PKIB: variants seen among roughly 807,000 people sequenced by gnomAD.
PKIB encodes the protein PKI-beta.
Under a neutral mutation model 4.5 loss-of-function variants are expected in PKIB, and 2 were observed. The ratio of observed to expected loss-of-function variants is 0.44; its 90% CI spans 0.18 to 1.39. The LOEUF (loss-of-function observed/expected upper bound fraction) is 1.39. Among genes scored for constraint, PKIB ranks in the 40% most tolerant of loss-of-function variants. The probability of loss-of-function intolerance (pLI) is 0.27; values close to 1 mark genes in which losing one functional copy is unlikely to be tolerated. For missense variants in PKIB, 94 were observed against 92.6 expected (o/e 1.02, Z -0.06); for synonymous variants, 38 against 36.0 (o/e 1.06, Z -0.20).
intron 4 of PKIB, among the ~76,000 whole-genome samples, chr6:122,724,251 A>G (rs1055818178): frequency 1.3e-5 from 2 of 152,134 alleles, no homozygotes; most frequent in Non-Finnish European, 2.9e-5. Context: ...AGGGAAAGTC[A>G]GGTAAAATGA....
At chr6:122,492,320 A>C (rs999909534) in intron 2 of PKIB, among the ~76,000 whole-genome samples, 2 of 152,148 alleles carry the variant, frequency 1.3e-5, no homozygotes, top group Non-Finnish European at 2.9e-5. Context: ...GCAGAGGAAA[A>C]GCAAGTAGAA....
At chr6:122,553,367 G>T (rs1772738360) in intron 2 of PKIB, among the ~76,000 whole-genome samples, 1 of 151,840 alleles carries the variant, frequency 6.6e-6, no homozygotes. Flanking sequence ...AGTTTTCAGG[G>T]TCCACAAAGC....
chr6:122,623,980 T>C (rs1775338209), intron 1 of PKIB, among the ~76,000 whole-genome samples: 1 of 152,154 alleles, frequency 6.6e-6, no homozygotes, highest in Non-Finnish European at 1.5e-5. Context: ...ATTCAGTATG[T>C]CATTTAAACC....
At chr6:122,669,324 T>C (rs2815598) in intron 2 of PKIB, among the ~76,000 whole-genome samples, 150,215 of 152,272 alleles carry the variant, frequency 0.99, 74,117 homozygotes, top group Middle Eastern at 1. Flanking sequence ...TTCAGTTTTT[T>C]TTGGGAGCTT....
chr6:122,546,309 C>G (rs1772491794), intron 2 of PKIB, among the ~76,000 whole-genome samples: 1 of 151,742 alleles, frequency 6.6e-6, no homozygotes, highest in Admixed American at 6.6e-5. Flanking sequence ...AAACCTATAC[C>G]TGGAGCCGTG....
At chr6:122,510,063 T>C (rs1044078507) in intron 2 of PKIB, among the ~76,000 whole-genome samples, 4 of 152,160 alleles carry the variant, frequency 2.6e-5, no homozygotes, top group African/African-American at 7.2e-5. Flanking sequence ...TAATATCTTC[T>C]AACAATTTTT....
At chr6:122,605,965 T>C (rs565255851), upstream of PKIB, among the ~76,000 whole-genome samples, 1 of 152,356 alleles carries the variant, frequency 6.6e-6, no homozygotes, top group East Asian at 1.9e-4. Context: ...CTGGCCTCCA[T>C]AGACTTGGCT....
intron 2 of PKIB, among the ~76,000 whole-genome samples, chr6:122,520,721 C>T (rs553051341): frequency 1.0e-3 from 135 of 131,180 alleles, no homozygotes; most frequent in African/African-American, 3.2e-3. Context: ...GGTTTCAGAC[C>T]GTGAATTTTA....
intron 3 of PKIB, among the ~76,000 whole-genome samples, chr6:122,587,387 T>C (rs911608690): frequency 1.3e-5 from 2 of 152,228 alleles, no homozygotes; most frequent in Admixed American, 6.5e-5. Flanking sequence ...TAGTATTCCA[T>C]GGTGTATATG....
intron 2 of PKIB, among the ~76,000 whole-genome samples, chr6:122,541,387 A>G (rs898352356): frequency 7.9e-5 from 12 of 151,514 alleles, no homozygotes; most frequent in East Asian, 1.9e-4. Flanking sequence ...GGTGGTGACA[A>G]AATCTCTCAG....
chr6:122,503,580 TC>T (rs112112297), intron 2 of PKIB, among the ~76,000 whole-genome samples: 1,901 of 152,308 alleles, frequency 0.012, 44 homozygotes, highest in African/African-American at 0.044. Flanking sequence ...GTCATTTTCT[TC>T]CATGACCACA....
intron 1 of PKIB, among the ~76,000 whole-genome samples, chr6:122,618,063 T>C (rs1775068543): frequency 6.6e-6 from 1 of 152,126 alleles, no homozygotes; most frequent in Non-Finnish European, 1.5e-5. Flanking sequence ...TTTGGTTAGA[T>C]AAAATTTCAG....
chr6:122,550,762 T>G (rs1405755618), intron 2 of PKIB, among the ~76,000 whole-genome samples: 1 of 152,236 alleles, frequency 6.6e-6, no homozygotes, highest in Non-Finnish European at 1.5e-5. Context: ...GTGTCCTATT[T>G]TCTTCATCCT....
intron 2 of PKIB, among the ~76,000 whole-genome samples, chr6:122,489,661 G>A (rs1218762743): frequency 6.6e-6 from 1 of 152,232 alleles, no homozygotes; most frequent in Admixed American, 6.5e-5. Flanking sequence ...GAAAGATAAA[G>A]TTTCTGGCTA....
intron 2 of PKIB, among the ~76,000 whole-genome samples, chr6:122,524,098 C>T (rs1006253610): frequency 2.1e-4 from 32 of 151,904 alleles, no homozygotes; most frequent in African/African-American, 7.7e-4. Flanking sequence ...ATTTCTTCTT[C>T]TTTCTTCTCT....
At chr6:122,569,128 G>A (rs181266599) in intron 2 of PKIB, among the ~76,000 whole-genome samples, 9 of 152,310 alleles carry the variant, frequency 5.9e-5, no homozygotes, top group African/African-American at 2.2e-4. Flanking sequence ...CCCACCCAAG[G>A]AGAGTCAGAG....
intron 2 of PKIB, among the ~76,000 whole-genome samples, chr6:122,504,058 T>C (rs1167457251): frequency 1.3e-5 from 2 of 152,188 alleles, no homozygotes; most frequent in Non-Finnish European, 2.9e-5. Context: ...TAATGAGAGA[T>C]ATATTCATAT....
At chr6:122,520,793 C>T (rs1035517227) in intron 2 of PKIB, among the ~76,000 whole-genome samples, 5 of 152,050 alleles carry the variant, frequency 3.3e-5, no homozygotes, top group Non-Finnish European at 5.9e-5. Flanking sequence ...TTACAATCAA[C>T]ACATTTTTTG....
At chr6:122,515,630 T>TA (rs1463683816) in intron 2 of PKIB, among the ~76,000 whole-genome samples, 1 of 152,228 alleles carries the variant, frequency 6.6e-6, no homozygotes, top group African/African-American at 2.4e-5. Context: ...AGTGCCTCTA[T>TA]AGTTTGTTCA....
Sources: allele counts gnomAD v4.1 joint callset (sites outside exome capture counted in the v4.1 genomes callset), GRCh38; gene constraint gnomAD v4.1.1; transcripts MANE v1.5; gene names NCBI Gene and HGNC (gene_info 2026-07-23, HGNC 2026-07-21).